GNE: variants seen among roughly 807,000 people sequenced by gnomAD.
GNE encodes the protein glucosamine (UDP-N-acetyl)-2-epimerase/N-acetylmannosamine kinase.
Under a neutral mutation model 61.8 loss-of-function variants are expected in GNE, and 41 were observed. The observed-to-expected ratio is 0.66, with a 90% CI of 0.52 to 0.86. GNE has a LOEUF of 0.86. Among genes scored for constraint, GNE ranks in the 40% least tolerant of loss-of-function variants. GNE has a pLI of 0.00. For synonymous variants in GNE, 264 were observed against 326.4 expected (o/e 0.81, Z 2.06); for missense variants, 608 against 909.1 (o/e 0.67, Z 4.26).
intron 1 of GNE, among the ~76,000 whole-genome samples, chr9:36,270,994 C>T (rs942928680): frequency 6.6e-6 from 1 of 152,190 alleles, no homozygotes; most frequent in African/African-American, 2.4e-5. Context: ...CACATTATTG[C>T]CTGATTAAAT....
chr9:36,216,908 G>A lies in GNE; in HGVS notation c.*457C>T, dbSNP rs188252022. On this transcript the variant is annotated 3_prime_UTR_variant, in exon 12 of 12. Transcript: ENST00000642385. The stretch of plus-strand genomic sequence containing the variant: ...AGGGCGGTCTCGATCTCCTGACCTC[G>A]TGATCCGCCCGCCTCGGCCTCCCAA... 2.7e-4 allele frequency: 56 copies of A among 210,220 alleles called. No homozygotes were observed. Among genetic ancestry groups the A allele is most frequent in the African/African-American group, 1.1e-3 (48 of 42,570 alleles). The allele number at this position is 210,220 out of a possible 1,614,324, so 13.0% of individuals were successfully genotyped here.
At chr9:36,268,326 A>T (rs1244584649) in intron 1 of GNE, among the ~76,000 whole-genome samples, 2 of 152,186 alleles carry the variant, frequency 1.3e-5, no homozygotes, top group Admixed American at 1.3e-4. Flanking sequence ...TGACTCTCTT[A>T]TAAAATGTTG....
At chr9:36,259,612 A>C (rs1277481899), upstream of GNE, among the ~76,000 whole-genome samples, 3 of 152,212 alleles carry the variant, frequency 2.0e-5, no homozygotes, top group Non-Finnish European at 4.4e-5. Context: ...CCACAAAAGA[A>C]AAGACATTAA....
chr9:36,232,252 C>T (rs1007868174), intron 5 of GNE, among the ~76,000 whole-genome samples: 1 of 152,074 alleles, frequency 6.6e-6, no homozygotes, highest in African/African-American at 2.4e-5. Context: ...ATCTCTAATA[C>T]TTCATCAAAG....
chr9:36,223,150 G>A, intron 8 of GNE, 152 bp from the exon 9 acceptor site: 1 of 847,414 alleles, frequency 1.2e-6, no homozygotes, highest in South Asian at 1.4e-5. Flanking sequence ...AGACAGTTGT[G>A]AATTAAAGCC....
At chr9:36,261,534 CAG>C (rs1197611432), upstream of GNE, among the ~76,000 whole-genome samples, 3 of 136,182 alleles carry the variant, frequency 2.2e-5, no homozygotes, top group African/African-American at 5.7e-5. Flanking sequence ...GCCTGGGCGA[CAG>C]AGTGAGACTC....
intron 1 of GNE, among the ~76,000 whole-genome samples, chr9:36,254,689 C>T (rs887658874): frequency 6.6e-6 from 1 of 151,182 alleles, no homozygotes; most frequent in Non-Finnish European, 1.5e-5. Context: ...CAGTGGCTCA[C>T]GCCTGTAATC....
At position 36,266,600 on chromosome 9, in the gene GNE, C is replaced by A. The variant is rs539091583; in HGVS notation, c.51+10294G>T. Among the ~76,000 whole-genome samples, 347 of 151,986 alleles carry A rather than the reference C, an allele frequency of 2.3e-3. 1 individual carries two copies. Among genetic ancestry groups the A allele is most frequent in the Non-Finnish European group, 4.0e-3 (273 of 67,968 alleles). On this transcript the variant is annotated intron_variant, in intron 1 of 11. Transcript: ENST00000396594. ...ACCAGCCTGGTCAACACGGTGAAAT[C>A]CCGTCTCTACTAAAAATACAAAAAT... is the stretch of plus-strand genomic sequence containing the variant.
At chr9:36,242,210 T>C (rs1829660147) in intron 3 of GNE, among the ~76,000 whole-genome samples, 1 of 151,750 alleles carries the variant, frequency 6.6e-6, no homozygotes, top group Non-Finnish European at 1.5e-5. Flanking sequence ...ACAGGTTTTA[T>C]ATAAAATGTA....
chr9:36,233,051 G>A (rs972294031), intron 5 of GNE, among the ~76,000 whole-genome samples: 5 of 152,226 alleles, frequency 3.3e-5, no homozygotes, highest in African/African-American at 1.2e-4. Context: ...AGCAGAGCTA[G>A]AACTCATCTC....
At chr9:36,267,417 C>T (rs1191877143) in intron 1 of GNE, among the ~76,000 whole-genome samples, 1 of 152,118 alleles carries the variant, frequency 6.6e-6, no homozygotes, top group East Asian at 1.9e-4. Context: ...TATTTTTTGG[C>T]TGAGTGCGGT....
At chr9:36,249,510 A>G in intron 1 of GNE, 113 bp from the exon 2 acceptor site, 1 of 673,360 alleles carries the variant, frequency 1.5e-6, no homozygotes, top group South Asian at 2.0e-5. Context: ...CTTAACCACT[A>G]TTTAGTACAG....
intron 5 of GNE, among the ~76,000 whole-genome samples, chr9:36,231,743 T>G (rs1371019247): frequency 6.6e-6 from 1 of 152,182 alleles, no homozygotes; most frequent in Non-Finnish European, 1.5e-5. Context: ...CCACTATTAT[T>G]TAGGGTCTCT....
At chr9:36,244,152 C>A (rs1184068894) in intron 3 of GNE, among the ~76,000 whole-genome samples, 2 of 152,066 alleles carry the variant, frequency 1.3e-5, no homozygotes, top group Admixed American at 1.3e-4. Flanking sequence ...TTTGTAGAGA[C>A]AGCGTCTTGC....
chr9:36,275,857 GAAT>G (rs756510808), intron 1 of GNE, among the ~76,000 whole-genome samples: 1 of 152,172 alleles, frequency 6.6e-6, no homozygotes, highest in Non-Finnish European at 1.5e-5. Flanking sequence ...ATAATTGCAG[GAAT>G]AATATCATCT....
chr9:36,234,826 T>C (rs909249333), intron 4 of GNE, among the ~76,000 whole-genome samples: 1 of 152,180 alleles, frequency 6.6e-6, no homozygotes, highest in African/African-American at 2.4e-5. Flanking sequence ...GTGCCACTCA[T>C]TTAACCAAAG....
intron 3 of GNE, among the ~76,000 whole-genome samples, 166 bp from the exon 4 acceptor site, chr9:36,237,150 G>T (rs1015596368): frequency 6.6e-6 from 1 of 152,162 alleles, no homozygotes; most frequent in Non-Finnish European, 1.5e-5. Context: ...CAAATGATAA[G>T]AATTTACAGC....
chr9:36,232,233 C>T (rs1418956908), intron 5 of GNE, among the ~76,000 whole-genome samples: 1 of 152,110 alleles, frequency 6.6e-6, no homozygotes, highest in Non-Finnish European at 1.5e-5. Context: ...CCAAATCTAA[C>T]TTTTTTCCAT....
chr9:36,264,050 C>A (rs1285492736), intron 1 of GNE, among the ~76,000 whole-genome samples: 1 of 152,132 alleles, frequency 6.6e-6, no homozygotes, highest in African/African-American at 2.4e-5. Flanking sequence ...AGAATCCAGG[C>A]CCTGACTTGA....
Sources: gnomAD v4.1 joint callset for allele counts (sites outside exome capture counted in the v4.1 genomes callset) on GRCh38, gnomAD v4.1.1 for gene constraint, MANE v1.5 for transcripts, NCBI Gene and HGNC (gene_info 2026-07-23, HGNC 2026-07-21) for gene names.